Variants in GPRC5D observed in about 807,000 individuals in gnomAD.
GPRC5D encodes G protein-coupled receptor family C group 5 member D.
Under a neutral mutation model 29.3 loss-of-function variants are expected in GPRC5D, and 20 were observed. The ratio of observed to expected loss-of-function variants is 0.68; its 90% CI spans 0.48 to 0.99. GPRC5D has a LOEUF of 0.99. GPRC5D is among the 50% of genes least tolerant of loss of function. GPRC5D has a pLI of 0.00. For missense variants in GPRC5D, 384 were observed against 423.6 expected, an observed-to-expected ratio of 0.91 and a Z score of 0.82; for synonymous variants, 178 against 171.3, an observed-to-expected ratio of 1.04 and a Z score of -0.30.
upstream of GPRC5D, among the ~76,000 whole-genome samples, chr12:12,951,186 C>A (rs532837153): frequency 6.6e-6 from 1 of 152,170 alleles, no homozygotes; most frequent in Non-Finnish European, 1.5e-5. Flanking sequence ...TCGCACCAAC[C>A]TAATACCTAC....
chr12:12,947,228 C>T (rs1398475685), intron 1 of GPRC5D: 1 of 152,168 alleles, frequency 6.6e-6, no homozygotes, highest in Non-Finnish European at 1.5e-5. Flanking sequence ...CAAACAAAAG[C>T]AAAGACAGTG....
intron 1 of GPRC5D, among the ~76,000 whole-genome samples, chr12:12,944,825 CCTTCCTTCCTTCCT>C (rs1565477155): frequency 0.027 from 323 of 12,090 alleles, 39 homozygotes; most frequent in Middle Eastern, 0.11. Flanking sequence ...TTCCTTCCTT[CCTTCCTTCCTTCCT>C]TCCTTCCTTC....
chr12:12,944,772 T>C (rs12816691), intron 1 of GPRC5D, among the ~76,000 whole-genome samples: 6,383 of 23,332 alleles, frequency 0.27, 1,262 homozygotes, highest in East Asian at 0.4. Flanking sequence ...TTCCTTCCTT[T>C]CTTCCTTCCT....
At chr12:12,949,559 G>T in exon 1 of GPRC5D, 1 of 1,597,984 alleles carries the variant, frequency 6.3e-7, no homozygotes, top group Non-Finnish European at 8.6e-7. Flanking sequence ...GCATTGCCTT[G>T]TAAAGGGCAC....
chr12:12,951,627 G>A (rs1471682784), upstream of GPRC5D, among the ~76,000 whole-genome samples: 2 of 152,318 alleles, frequency 1.3e-5, no homozygotes, highest in East Asian at 3.9e-4. Flanking sequence ...TTTCATAAAA[G>A]GAGGTGTATG....
At chr12:12,943,543 C>T (rs1309265304) in intron 1 of GPRC5D, among the ~76,000 whole-genome samples, 2 of 152,112 alleles carry the variant, frequency 1.3e-5, no homozygotes, top group Admixed American at 1.3e-4. Flanking sequence ...CAGAGCTATC[C>T]TTTGTGTATG....
intron 1 of GPRC5D, among the ~76,000 whole-genome samples, chr12:12,946,882 G>T (rs1863362616): frequency 6.6e-6 from 1 of 152,158 alleles, no homozygotes; most frequent in African/African-American, 2.4e-5. Context: ...AACAGCATTA[G>T]TCAGAAGGGT....
At chr12:12,940,725 G>T, downstream of GPRC5D, 1 of 1,106,962 alleles carries the variant, frequency 9.0e-7, no homozygotes, top group Non-Finnish European at 1.4e-6. Flanking sequence ...TCAGGGCTAT[G>T]CTACCCAGGA....
At chr12:12,942,302 C>T in exon 2 of GPRC5D, 1 of 1,613,174 alleles carries the variant, frequency 6.2e-7, no homozygotes, top group South Asian at 1.1e-5. Context: ...AATGCTACAT[C>T]CTCCTCAGCT....
intron 1 of GPRC5D, among the ~76,000 whole-genome samples, chr12:12,945,257 G>A (rs911824496): frequency 1.1e-4 from 16 of 151,862 alleles, no homozygotes; most frequent in African/African-American, 3.6e-4. Context: ...CACCCTCCTC[G>A]GCCTCCCAAA....
At chr12:12,949,611 G>A (rs142627612) in exon 1 of GPRC5D, 8 of 1,614,014 alleles carry the variant, frequency 5.0e-6, no homozygotes, top group Non-Finnish European at 6.8e-6. Flanking sequence ...GCTCAGGGAC[G>A]ATGTACAGCA....
At chr12:12,948,535 TAAC>T (rs1360515231) in intron 1 of GPRC5D, 1 of 154,356 alleles carries the variant, frequency 6.5e-6, no homozygotes, top group African/African-American at 2.4e-5. Flanking sequence ...ATATATAAAA[TAAC>T]ATCATCATTA....
chr12:12,944,989 CTT>C (rs1863273987), intron 1 of GPRC5D, among the ~76,000 whole-genome samples: 2 of 147,532 alleles, frequency 1.4e-5, no homozygotes, highest in African/African-American at 5.0e-5. Context: ...CTCTCTCTCT[CTT>C]TCTCTCTCTC....
chr12:12,941,410 T>A (rs1277055797), intron 2 of GPRC5D, among the ~76,000 whole-genome samples: 2 of 152,174 alleles, frequency 1.3e-5, no homozygotes, highest in Non-Finnish European at 2.9e-5. Context: ...ACAATAAAGA[T>A]GTTTTCATTA....
Position 12,942,354 on chromosome 12 carries a change from G to A in GPRC5D, c.896-26C>T, listed in dbSNP as rs193015651. 1.9e-5 allele frequency: 29 copies of A among 1,540,396 alleles called. No individual in the cohort carries two copies. In the East Asian group the frequency reaches 3.1e-4, roughly 17 times the overall value. On this transcript the variant is annotated intron_variant, in intron 1 of 2. Coordinates refer to ENST00000228887, the Ensembl canonical transcript of GPRC5D. ...CTGAAAGCCAAAGGAGGGAAGGGCT[G>A]GGTTAGTGTCCGAGAGTCAATCGGA... is the stretch of plus-strand genomic sequence containing the variant.
chr12:12,945,004 T>C (rs1161108984), intron 1 of GPRC5D, among the ~76,000 whole-genome samples: 1 of 150,240 alleles, frequency 6.7e-6, no homozygotes, highest in Non-Finnish European at 1.5e-5. Flanking sequence ...TCTCTCTCTT[T>C]CTCTTTCTCT....
chr12:12,941,428 G>A (rs1305733973), intron 2 of GPRC5D, among the ~76,000 whole-genome samples: 1 of 152,178 alleles, frequency 6.6e-6, no homozygotes, highest in South Asian at 2.1e-4. Flanking sequence ...TTATGTAAAT[G>A]CCCTCCTGAG....
upstream of GPRC5D, among the ~76,000 whole-genome samples, chr12:12,951,138 A>G (rs1292276228): frequency 6.6e-6 from 1 of 152,086 alleles, no homozygotes; most frequent in African/African-American, 2.4e-5. Context: ...CAAAAAACAC[A>G]CAAACAAAAA....
downstream of GPRC5D, chr12:12,940,689 G>T: frequency 1.3e-6 from 1 of 767,282 alleles, no homozygotes; most frequent in Non-Finnish European, 2.4e-6. Flanking sequence ...CATTGGCAGC[G>T]TGACTCTGTG....
Sources: allele counts gnomAD v4.1 joint callset (sites outside exome capture counted in the v4.1 genomes callset), GRCh38; gene constraint gnomAD v4.1.1; transcripts MANE v1.5; gene names NCBI Gene and HGNC (gene_info 2026-07-23, HGNC 2026-07-21).